The following MMP16 variants were observed in gnomAD, a reference collection of about 807,000 sequenced individuals.
The protein encoded by MMP16 is matrix metallopeptidase 16.
MMP16 carries 12 observed loss-of-function variants against 67.8 expected under a neutral mutation model. The observed-to-expected ratio is 0.18, with a 90% CI of 0.11 to 0.29. The LOEUF is 0.29. Ranked by LOEUF, MMP16 falls within the 10% of genes least tolerant of loss-of-function variation. The pLI, the probability that MMP16 is intolerant of heterozygous loss-of-function variation, is 1.00. For synonymous variants in MMP16, 249 were observed against 255.9 expected, an observed-to-expected ratio of 0.97 and a Z score of 0.26; for missense variants, 475 against 765.7, an observed-to-expected ratio of 0.62 and a Z score of 4.48.
chr8:88,121,875 C>A (rs528436471), intron 4 of MMP16, among the ~76,000 whole-genome samples: 1 of 152,016 alleles, frequency 6.6e-6, no homozygotes, highest in Admixed American at 6.6e-5. Flanking sequence ...CCCTTCCATG[C>A]ATTTTCAGAT....
chr8:88,154,904 T>G (rs546604586), intron 4 of MMP16, among the ~76,000 whole-genome samples: 6 of 151,472 alleles, frequency 4.0e-5, no homozygotes, highest in African/African-American at 1.2e-4. Flanking sequence ...AATACGTGTA[T>G]TATATATCTA....
At chr8:88,304,315 G>A (rs1563589983) in intron 1 of MMP16, among the ~76,000 whole-genome samples, 1 of 152,064 alleles carries the variant, frequency 6.6e-6, no homozygotes, top group African/African-American at 2.4e-5. Flanking sequence ...CTGAACCTTC[G>A]ACTGACTGGT....
chr8:88,175,068 AGAG>A (rs1358698531), intron 3 of MMP16, among the ~76,000 whole-genome samples: 2 of 152,034 alleles, frequency 1.3e-5, no homozygotes, highest in South Asian at 2.1e-4. Flanking sequence ...CTGCTTTTTG[AGAG>A]GAGGACATTA....
At chr8:88,142,858 T>TA (rs1438123540) in intron 4 of MMP16, among the ~76,000 whole-genome samples, 2 of 152,182 alleles carry the variant, frequency 1.3e-5, no homozygotes, top group Admixed American at 6.5e-5. Context: ...TAAGGGATGT[T>TA]AAATACAGAA....
At chr8:88,075,183 CCT>C (rs1242822654) in intron 6 of MMP16, among the ~76,000 whole-genome samples, 2 of 152,080 alleles carry the variant, frequency 1.3e-5, no homozygotes, top group African/African-American at 4.8e-5. Flanking sequence ...TCTGTACGCC[CCT>C]GTTATGCCTA....
chr8:88,273,093 T>C (rs540819705), intron 1 of MMP16, among the ~76,000 whole-genome samples: 1 of 150,380 alleles, frequency 6.6e-6, no homozygotes, highest in Non-Finnish European at 1.5e-5. Flanking sequence ...AACCTGCCCT[T>C]TTTTTTTTGA....
intron 4 of MMP16, among the ~76,000 whole-genome samples, chr8:88,124,007 T>C (rs1213954913): frequency 2.6e-5 from 4 of 151,946 alleles, no homozygotes; most frequent in African/African-American, 9.7e-5. Context: ...CCCAATTGAG[T>C]CAGACATAGT....
At chr8:88,170,855 G>T (rs993814052) in intron 3 of MMP16, among the ~76,000 whole-genome samples, 5 of 152,072 alleles carry the variant, frequency 3.3e-5, no homozygotes, top group Admixed American at 1.3e-4. Flanking sequence ...AAAAATGGAT[G>T]ATGGGACAAA....
chr8:88,098,780 A>G (rs1461710399), intron 6 of MMP16, among the ~76,000 whole-genome samples: 1 of 151,942 alleles, frequency 6.6e-6, no homozygotes, highest in African/African-American at 2.4e-5. Flanking sequence ...TATTATGAAA[A>G]TTAATTTTGT....
chr8:88,264,915 T>C (rs971807315), intron 1 of MMP16, among the ~76,000 whole-genome samples: 3 of 152,238 alleles, frequency 2.0e-5, no homozygotes, highest in Admixed American at 6.5e-5. Flanking sequence ...TTTCAGACAC[T>C]AGGACAAGAC....
At chr8:88,189,891 G>A (rs1809139065) in intron 2 of MMP16, among the ~76,000 whole-genome samples, 1 of 152,124 alleles carries the variant, frequency 6.6e-6, no homozygotes, top group African/African-American at 2.4e-5. Context: ...TGTGAGTGAG[G>A]GTAGAGAGCC....
chr8:88,131,645 T>C (rs1045956827), intron 4 of MMP16, among the ~76,000 whole-genome samples: 2 of 151,834 alleles, frequency 1.3e-5, no homozygotes, highest in African/African-American at 2.4e-5. Context: ...TAAAATAGTT[T>C]CTTATTACAG....
intron 4 of MMP16, among the ~76,000 whole-genome samples, chr8:88,127,571 C>A (rs560226691): frequency 6.6e-6 from 1 of 151,802 alleles, no homozygotes; most frequent in South Asian, 2.1e-4. Context: ...TCACCAAATT[C>A]CATGTAAAGA....
At chr8:88,276,272 C>T (rs2129983607) in intron 1 of MMP16, among the ~76,000 whole-genome samples, 1 of 152,098 alleles carries the variant, frequency 6.6e-6, no homozygotes, top group East Asian at 1.9e-4. Context: ...ATCTTATATA[C>T]CTAAATTGTA....
At chr8:88,157,926 GT>G (rs1207824315) in intron 4 of MMP16, among the ~76,000 whole-genome samples, 1 of 151,730 alleles carries the variant, frequency 6.6e-6, no homozygotes, top group African/African-American at 2.4e-5. Context: ...GCAGTGTTTG[GT>G]TTTTTGTCCT....
At chr8:88,302,386 T>A (rs1811117045) in intron 1 of MMP16, among the ~76,000 whole-genome samples, 1 of 152,190 alleles carries the variant, frequency 6.6e-6, no homozygotes, top group South Asian at 2.1e-4. Flanking sequence ...TTTTTCTCAG[T>A]CACACTAGTG....
In MMP16 at chr8:88,044,670, T is replaced by C. The variant is rs148655046; in HGVS notation, c.1489+1999A>G. Among the ~76,000 whole-genome samples the C allele has an allele frequency of 8.8e-3, 1,347 of 152,270 alleles. 10 individuals carry two copies. The highest frequency in any genetic ancestry group is 0.014 in the Non-Finnish European group (948 of 68,014). ...TCCTTTTATGTTTGACTGAACATCA[T>C]TGGACTTGTCTATTGTTTCATCCTA... is the stretch of plus-strand genomic sequence containing the variant. On this transcript the variant is annotated intron_variant, in intron 9 of 9. Transcript: ENST00000286614.
intron 4 of MMP16, among the ~76,000 whole-genome samples, chr8:88,153,600 A>G (rs1162686961): frequency 6.6e-6 from 1 of 151,816 alleles, no homozygotes; most frequent in Non-Finnish European, 1.5e-5. Context: ...AACCTGAGAA[A>G]AACAAGCAAT....
chr8:88,110,695 C>G (rs62525942), intron 6 of MMP16, among the ~76,000 whole-genome samples: 11,075 of 151,578 alleles, frequency 0.073, 488 homozygotes, highest in East Asian at 0.18. Flanking sequence ...ATTCCATTGA[C>G]TAAAGTGATA....
Sources: gnomAD v4.1 joint callset for allele counts (sites outside exome capture counted in the v4.1 genomes callset) on GRCh38, gnomAD v4.1.1 for gene constraint, MANE v1.5 for transcripts, NCBI Gene and HGNC (gene_info 2026-07-23, HGNC 2026-07-21) for gene names.